Variants in TENM3 observed in about 807,000 individuals in gnomAD.
TENM3 encodes teneurin-3.
TENM3 carries 63 observed loss-of-function variants against 255.1 expected under a neutral mutation model. The ratio of observed to expected loss-of-function variants is 0.25; its 90% confidence interval spans 0.20 to 0.30. The LOEUF (loss-of-function observed/expected upper bound fraction) is 0.30. Among genes scored for constraint, TENM3 ranks in the 10% least tolerant of loss-of-function variants. The probability of loss-of-function intolerance (pLI) is 1.00; values close to 1 mark genes in which losing one functional copy is unlikely to be tolerated. For synonymous variants in TENM3, 1,306 were observed against 1,322.3 expected, an observed-to-expected ratio of 0.99 and a Z score of 0.27; for missense variants, 2,929 against 3,461.1, an observed-to-expected ratio of 0.85 and a Z score of 3.86.
At chr4:181,875,806 T>C in the TENM3 span, among the ~76,000 whole-genome samples, 3 of 152,148 alleles carry the variant, frequency 2.0e-5, no homozygotes, top group Non-Finnish European at 4.4e-5. Flanking sequence ...CTGACAAACT[T>C]AGTGATTTAC....
chr4:182,664,168 A>G (rs1754452742), intron 6 of TENM3, among the ~76,000 whole-genome samples: 1 of 152,206 alleles, frequency 6.6e-6, no homozygotes, highest in African/African-American at 2.4e-5. Context: ...CCCTGCGTCA[A>G]GCAAGTCTAT....
the TENM3 span, among the ~76,000 whole-genome samples, chr4:181,674,456 C>T: frequency 1.3e-5 from 2 of 151,172 alleles, no homozygotes; most frequent in East Asian, 3.9e-4. Flanking sequence ...ATTGGAAATG[C>T]TGAGTCAGAC....
chr4:182,704,822 CT>C (rs201275276), intron 12 of TENM3, among the ~76,000 whole-genome samples: 59,229 of 124,100 alleles, frequency 0.48, 12,711 homozygotes, highest in East Asian at 0.74. Flanking sequence ...TACACACAAA[CT>C]TTTTTTTTTT....
At chr4:182,479,647 G>A (rs1734004747) in intron 3 of TENM3, among the ~76,000 whole-genome samples, 1 of 151,962 alleles carries the variant, frequency 6.6e-6, no homozygotes, top group South Asian at 2.1e-4. Flanking sequence ...ATCCTCATTT[G>A]TAGTGTTGAA....
At chr4:182,493,301 A>C (rs1735475564) in intron 3 of TENM3, among the ~76,000 whole-genome samples, 1 of 152,184 alleles carries the variant, frequency 6.6e-6, no homozygotes, top group Non-Finnish European at 1.5e-5. Flanking sequence ...TTGAGGGAAT[A>C]TGTATTCAAA....
chr4:182,476,811 C>T lies in TENM3; in HGVS notation c.512-124113C>T, dbSNP rs202103190. Among the ~76,000 whole-genome samples the T allele has an allele frequency of 1.1e-4, 16 of 152,292 alleles. No homozygotes were observed. The East Asian group carries it at 2.1e-3, about 20-fold the overall frequency. ...TGGGAGAAGCTGAAGAATACCATCTCTCCTGTTGTCTCACAGGAGGTCATT... is the reference window on the plus strand; with the variant it reads ...TGGGAGAAGCTGAAGAATACCATCTTTCCTGTTGTCTCACAGGAGGTCATT... On this transcript the variant is annotated intron_variant, in intron 3 of 27. Transcript: ENST00000511685.
At chr4:181,685,160 C>A in the TENM3 span, among the ~76,000 whole-genome samples, 1 of 152,072 alleles carries the variant, frequency 6.6e-6, no homozygotes, top group Non-Finnish European at 1.5e-5. Flanking sequence ...AAAATCATTT[C>A]TTCTACTCTT....
At chr4:181,665,650 T>C in the TENM3 span, among the ~76,000 whole-genome samples, 1 of 152,026 alleles carries the variant, frequency 6.6e-6, no homozygotes, top group Non-Finnish European at 1.5e-5. Context: ...CACACATATA[T>C]ACATATACAG....
chr4:182,104,726 C>T, the TENM3 span, among the ~76,000 whole-genome samples: 1 of 151,886 alleles, frequency 6.6e-6, no homozygotes, highest in African/African-American at 2.4e-5. Context: ...GTTGGCGAGG[C>T]TGGTCTTGAA....
At chr4:182,025,400 C>T in the TENM3 span, among the ~76,000 whole-genome samples, 1 of 152,136 alleles carries the variant, frequency 6.6e-6, no homozygotes, top group Non-Finnish European at 1.5e-5. Context: ...ATCCATTCAT[C>T]TGAGGATGGA....
chr4:181,551,838 ATG>A, the TENM3 span, among the ~76,000 whole-genome samples: 2,057 of 138,764 alleles, frequency 0.015, 25 homozygotes, highest in African/African-American at 0.02. Flanking sequence ...ATATATGTAT[ATG>A]TGTGTGTGTG....
At chr4:182,240,571 G>C (rs995651924), upstream of TENM3, among the ~76,000 whole-genome samples, 2 of 152,180 alleles carry the variant, frequency 1.3e-5, no homozygotes, top group African/African-American at 4.8e-5. Flanking sequence ...GAGTGAAAAT[G>C]CCTGACTTTT....
At chr4:181,912,506 G>A in the TENM3 span, among the ~76,000 whole-genome samples, 1 of 152,108 alleles carries the variant, frequency 6.6e-6, no homozygotes, top group East Asian at 1.9e-4. Flanking sequence ...TGGTGAAGGT[G>A]GTCTGGTGTG....
chr4:181,776,679 C>A, the TENM3 span, among the ~76,000 whole-genome samples: 1 of 152,122 alleles, frequency 6.6e-6, no homozygotes, highest in East Asian at 1.9e-4. Context: ...TTAATGATAT[C>A]AAGCATTTTT....
At position 182,621,671 on chromosome 4, in the gene TENM3, T is replaced by TAAA. The variant is rs1750191673; in HGVS notation, c.750-6979_750-6978insAAA. On this transcript the variant is annotated intron_variant, in intron 4 of 27. Coordinates refer to ENST00000511685, the MANE Select transcript of TENM3 (RefSeq NM_001080477.4). ...ATATTATAATATATAATATGTATTATATATATAAAATATATAATATATATT... is the reference window on the plus strand; with the variant it reads ...ATATTATAATATATAATATGTATTATAAAATATATAAAATATATAATATATATT... 7.0e-5 allele frequency among the ~76,000 whole-genome samples: 4 copies of TAAA among 56,910 alleles called. No individual in the cohort carries two copies. In the South Asian group the frequency reaches 2.1e-3, roughly 30 times the overall value. The allele number at this position is 56,910 out of a possible 152,430, so 37.3% of individuals were successfully genotyped here. A position where few individuals can be genotyped will look rare whatever the true frequency, so the allele number is the denominator to read the frequency against.
chr4:182,041,861 CTTATGCTA>C, the TENM3 span, among the ~76,000 whole-genome samples: 1 of 152,196 alleles, frequency 6.6e-6, no homozygotes, highest in Non-Finnish European at 1.5e-5. Flanking sequence ...CAGTCCATTA[CTTATGCTA>C]TTACCCTTCA....
chr4:181,763,924 T>G, the TENM3 span, among the ~76,000 whole-genome samples: 1 of 152,208 alleles, frequency 6.6e-6, no homozygotes, highest in African/African-American at 2.4e-5. Context: ...GGCAGAACTG[T>G]TATAGATCAT....
At chr4:182,563,260 G>A (rs57332435) in intron 3 of TENM3, among the ~76,000 whole-genome samples, 9,365 of 151,976 alleles carry the variant, frequency 0.062, 308 homozygotes, top group Middle Eastern at 0.1. Flanking sequence ...ACAAAATGCC[G>A]TCTCTACAAA....
the TENM3 span, among the ~76,000 whole-genome samples, chr4:181,755,833 A>G: frequency 6.6e-6 from 1 of 152,250 alleles, no homozygotes; most frequent in African/African-American, 2.4e-5. Flanking sequence ...GATGAATTCA[A>G]TACTAGTAGT....
Sources: allele counts gnomAD v4.1 joint callset (sites outside exome capture counted in the v4.1 genomes callset), GRCh38; gene constraint gnomAD v4.1.1; transcripts MANE v1.5; gene names NCBI Gene and HGNC (gene_info 2026-07-23, HGNC 2026-07-21).